ZFHX3: variants seen among roughly 807,000 people sequenced by gnomAD.
ZFHX3 encodes the protein zinc finger homeobox protein 3.
Under a neutral mutation model 279.1 loss-of-function variants are expected in ZFHX3, and 42 were observed. That is an observed-to-expected ratio of 0.15 (90% CI 0.12 to 0.19). The LOEUF (loss-of-function observed/expected upper bound fraction) is 0.19, where lower values mean the gene tolerates loss of function less well. Among genes scored for constraint, ZFHX3 ranks in the 10% least tolerant of loss-of-function variants. The pLI, the probability that ZFHX3 is intolerant of heterozygous loss-of-function variation, is 1.00. For synonymous variants in ZFHX3, 2,293 were observed against 1,957.8 expected, an observed-to-expected ratio of 1.17 and a Z score of -4.52; for missense variants, 4,981 against 4,754.0, an observed-to-expected ratio of 1.05 and a Z score of -1.40.
intron 1 of ZFHX3, among the ~76,000 whole-genome samples, chr16:73,038,005 T>C (rs1290257646): frequency 2.0e-5 from 3 of 152,164 alleles, no homozygotes; most frequent in Admixed American, 2.0e-4. Flanking sequence ...TTAAGCCCAG[T>C]CAAACACACA....
At chr16:73,177,148 C>G (rs547530979) in intron 5 of ZFHX3, among the ~76,000 whole-genome samples, 4 of 149,524 alleles carry the variant, frequency 2.7e-5, no homozygotes, top group African/African-American at 7.4e-5. Flanking sequence ...AGCAAGACTC[C>G]GTCTCAAAAC....
intron 1 of ZFHX3, among the ~76,000 whole-genome samples, chr16:73,746,420 T>G (rs1476968563): frequency 1.3e-5 from 2 of 152,184 alleles, no homozygotes; most frequent in Non-Finnish European, 2.9e-5. Context: ...TAGCACTTAG[T>G]TTTAAACCAC....
intron 5 of ZFHX3, among the ~76,000 whole-genome samples, chr16:73,173,198 G>A (rs1045727086): frequency 1.3e-5 from 2 of 151,706 alleles, no homozygotes; most frequent in Admixed American, 1.3e-4. Flanking sequence ...CTGAGGGGAG[G>A]CTTTTAAAGC....
intron 4 of ZFHX3, among the ~76,000 whole-genome samples, chr16:73,270,741 T>C (rs1034756639): frequency 6.6e-6 from 1 of 152,150 alleles, no homozygotes; most frequent in African/African-American, 2.4e-5. Context: ...TAAAAACATA[T>C]GGATGCCCTG....
intron 3 of ZFHX3, among the ~76,000 whole-genome samples, chr16:73,417,396 C>T (rs797006429): frequency 8.5e-4 from 101 of 118,696 alleles, no homozygotes; most frequent in Middle Eastern, 5.2e-3. Context: ...TTTTTCTTTT[C>T]TTTTTTTTTT....
intron 3 of ZFHX3, among the ~76,000 whole-genome samples, chr16:73,417,083 C>T (rs975531149): frequency 6.6e-6 from 1 of 152,014 alleles, no homozygotes; most frequent in Non-Finnish European, 1.5e-5. Context: ...GAGAAGGGCA[C>T]GTCACCTCTG....
chr16:72,967,304 A>G lies in ZFHX3; in HGVS notation c.-49-7110T>C, dbSNP rs74413720. On this transcript the variant is annotated intron_variant, in intron 1 of 9. Coordinates refer to ENST00000268489, the MANE Select transcript of ZFHX3 (RefSeq NM_006885.4). ...GAGCTCGGAGCATCTACTTGTGCTCAAAGAATAAGGAAGATGTGTCAAAAT... is the reference window on the plus strand; with the variant it reads ...GAGCTCGGAGCATCTACTTGTGCTCGAAGAATAAGGAAGATGTGTCAAAAT... 2.4e-3 allele frequency among the ~76,000 whole-genome samples: 361 copies of G among 152,294 alleles called. 7 individuals carry two copies. The East Asian group carries it at 0.057, about 24-fold the overall frequency.
At chr16:73,873,582 AAC>A (rs1040010868) in intron 1 of ZFHX3, among the ~76,000 whole-genome samples, 17 of 152,188 alleles carry the variant, frequency 1.1e-4, no homozygotes, top group Non-Finnish European at 1.0e-4. Context: ...AGAGAAAAAA[AAC>A]ATATTTACCT....
intron 2 of ZFHX3, among the ~76,000 whole-genome samples, chr16:73,462,898 G>C (rs1409431569): frequency 6.6e-6 from 1 of 152,108 alleles, no homozygotes; most frequent in Non-Finnish European, 1.5e-5. Context: ...TTTAGTCTGG[G>C]TTTGGCATCA....
At chr16:73,478,702 C>T (rs577333580) in intron 2 of ZFHX3, among the ~76,000 whole-genome samples, 7 of 152,216 alleles carry the variant, frequency 4.6e-5, no homozygotes, top group East Asian at 3.9e-4. Context: ...GATAGGGTGT[C>T]GTACAGGATG....
intron 4 of ZFHX3, among the ~76,000 whole-genome samples, chr16:72,860,333 A>G (rs74497236): frequency 2.0e-3 from 302 of 152,284 alleles, no homozygotes; most frequent in African/African-American, 6.9e-3. Flanking sequence ...CACAAAGTCA[A>G]CAATTCTTAA....
chr16:73,672,044 G>T (rs1170029193), intron 2 of ZFHX3, among the ~76,000 whole-genome samples: 1 of 149,698 alleles, frequency 6.7e-6, no homozygotes, highest in Non-Finnish European at 1.5e-5. Context: ...GATCTGAGGG[G>T]AAAAAAAATA....
intron 4 of ZFHX3, among the ~76,000 whole-genome samples, chr16:72,876,113 G>A (rs1302146304): frequency 1.3e-5 from 2 of 152,080 alleles, no homozygotes; most frequent in Admixed American, 6.5e-5. Context: ...TCCCAACTTC[G>A]CCGCTTCATA....
At chr16:73,606,249 T>C (rs941230154) in intron 2 of ZFHX3, among the ~76,000 whole-genome samples, 1 of 140,132 alleles carries the variant, frequency 7.1e-6, no homozygotes, top group Non-Finnish European at 1.5e-5. Flanking sequence ...GGCTCACGCC[T>C]GTAATCCCAA....
intron 1 of ZFHX3, among the ~76,000 whole-genome samples, chr16:73,004,743 AT>A (rs1376388848): frequency 2.0e-5 from 3 of 152,066 alleles, no homozygotes; most frequent in African/African-American, 7.2e-5. Flanking sequence ...AGCATGCACA[AT>A]TTTTTTTAAG....
At chr16:73,771,887 A>T (rs1054600437) in intron 1 of ZFHX3, among the ~76,000 whole-genome samples, 1 of 151,498 alleles carries the variant, frequency 6.6e-6, no homozygotes, top group Non-Finnish European at 1.5e-5. Flanking sequence ...GTTACCCTGA[A>T]AGTATTTATA....
At chr16:73,658,588 C>T (rs1409689613) in intron 2 of ZFHX3, among the ~76,000 whole-genome samples, 1 of 152,188 alleles carries the variant, frequency 6.6e-6, no homozygotes, top group Non-Finnish European at 1.5e-5. Context: ...CAGGCATGAG[C>T]CGCCGTGCCT....
intron 3 of ZFHX3, among the ~76,000 whole-genome samples, chr16:73,444,405 T>C (rs183556660): frequency 2.3e-4 from 35 of 152,346 alleles, no homozygotes; most frequent in African/African-American, 7.0e-4. Context: ...ACCATTTCTC[T>C]CTACCTTATT....
chr16:73,474,531 T>C (rs2018731708), intron 2 of ZFHX3, among the ~76,000 whole-genome samples: 1 of 152,180 alleles, frequency 6.6e-6, no homozygotes, highest in African/African-American at 2.4e-5. Flanking sequence ...TGAACTAGCA[T>C]TCCCAGAGGA....
Sources: gnomAD v4.1 joint callset for allele counts (sites outside exome capture counted in the v4.1 genomes callset) on GRCh38, gnomAD v4.1.1 for gene constraint, MANE v1.5 for transcripts, NCBI Gene and HGNC (gene_info 2026-07-23, HGNC 2026-07-21) for gene names.